RAB3IP: variants seen among roughly 807,000 people sequenced by gnomAD.
The protein encoded by RAB3IP is rab-3A-interacting protein.
In RAB3IP, 36 loss-of-function variants were observed where a neutral mutation model predicts 59.1. The observed-to-expected ratio is 0.61, with a 90% confidence interval of 0.47 to 0.80. The LOEUF is 0.80. Among genes scored for constraint, RAB3IP ranks in the 30% least tolerant of loss-of-function variants. The pLI is 0.00. For synonymous variants in RAB3IP, 207 were observed against 191.2 expected (o/e 1.08, Z -0.68); for missense variants, 511 against 536.0 (o/e 0.95, Z 0.46).
Position 69,815,729 on chromosome 12 carries a change from G to A in RAB3IP, c.*283G>A, listed in dbSNP as rs1881072023. 6.0e-5 allele frequency: 13 copies of A among 217,188 alleles called. No individual in the cohort carries two copies. The South Asian group carries it at 1.7e-3, about 28-fold the overall frequency. 13.5% of individuals were successfully genotyped at this position (217,188 alleles called of 1,614,324 possible). On this transcript the variant is annotated 3_prime_UTR_variant, in exon 11 of 11. Transcript: ENST00000247833. ...AATAAATAAATGTTAGATTGAATGT[G>A]TGTACATTTTCTCTTCTAGCTCTGA...
At chr12:69,808,034 A>G (rs1879760359) in intron 8 of RAB3IP, among the ~76,000 whole-genome samples, 2 of 152,228 alleles carry the variant, frequency 1.3e-5, no homozygotes, top group African/African-American at 2.4e-5. Flanking sequence ...ATTTAGTGCT[A>G]TAAATTTCCC....
At chr12:69,760,004 G>T (rs552886875) in intron 3 of RAB3IP, among the ~76,000 whole-genome samples, 2 of 152,276 alleles carry the variant, frequency 1.3e-5, no homozygotes, top group African/African-American at 4.8e-5. Flanking sequence ...CTGCAATCTC[G>T]TCACTTTGGG....
Position 69,815,691 on chromosome 12 carries a change from A to G in RAB3IP, c.*245A>G. The stretch of plus-strand genomic sequence containing the variant: ...AATGTAATTTATAGTTGCCAAAAAA[A>G]AAAAAAACCTGAAATAAATAAATGT... On this transcript the variant is annotated 3_prime_UTR_variant, in exon 11 of 11. Transcript: ENST00000247833. The G allele has an allele frequency of 3.5e-6, 1 of 286,050 alleles. No individual in the cohort carries two copies. The allele number at this position is 286,050 out of a possible 1,614,324, so 17.7% of individuals were successfully genotyped here. A position where few individuals can be genotyped will look rare whatever the true frequency, so the allele number is the denominator to read the frequency against.
chr12:69,766,601 A>G (rs1344318292), intron 3 of RAB3IP, among the ~76,000 whole-genome samples: 1 of 151,010 alleles, frequency 6.6e-6, no homozygotes, highest in Non-Finnish European at 1.5e-5. Context: ...GCTCACTGCA[A>G]CCTCCGCTTC....
chr12:69,752,004 CTT>C (rs769835694), intron 1 of RAB3IP, among the ~76,000 whole-genome samples: 12 of 129,434 alleles, frequency 9.3e-5, no homozygotes, highest in Non-Finnish European at 1.2e-4. Context: ...TTCTTTTGTT[CTT>C]TTTTTTTTTT....
chr12:69,794,691 C>A (rs962616911), intron 5 of RAB3IP, among the ~76,000 whole-genome samples, 177 bp downstream of exon 5: 1 of 152,110 alleles, frequency 6.6e-6, no homozygotes, highest in East Asian at 1.9e-4. Context: ...GTAAACATTT[C>A]GTGTCCATTT....
chr12:69,799,754 G>C (rs1878082015), intron 6 of RAB3IP, among the ~76,000 whole-genome samples: 1 of 152,024 alleles, frequency 6.6e-6, no homozygotes, highest in Middle Eastern at 3.2e-3. Context: ...AGTTTATTCA[G>C]ACACTATAAT....
intron 3 of RAB3IP, among the ~76,000 whole-genome samples, chr12:69,763,579 T>A (rs1248181645): frequency 1.3e-5 from 2 of 152,224 alleles, no homozygotes; most frequent in Non-Finnish European, 2.9e-5. Flanking sequence ...TGAAAATGCT[T>A]CAGGATCTTG....
chr12:69,760,115 C>T (rs937663111), intron 3 of RAB3IP, among the ~76,000 whole-genome samples: 11 of 152,234 alleles, frequency 7.2e-5, no homozygotes, highest in South Asian at 2.1e-4. Context: ...AATGAGACTC[C>T]GTCTGCAATC....
chr12:69,767,226 T>G (rs989379737), intron 3 of RAB3IP, among the ~76,000 whole-genome samples: 14 of 152,158 alleles, frequency 9.2e-5, no homozygotes, highest in African/African-American at 3.1e-4. Context: ...CTGGGTAGGA[T>G]CTTTTGGTTT....
At chr12:69,794,958 A>G (rs886928016) in intron 5 of RAB3IP, among the ~76,000 whole-genome samples, 183 bp from the exon 6 acceptor site, 4 of 152,226 alleles carry the variant, frequency 2.6e-5, no homozygotes, top group Non-Finnish European at 5.9e-5. Context: ...TTAATAATAG[A>G]TGAATCCAAA....
intron 3 of RAB3IP, among the ~76,000 whole-genome samples, chr12:69,763,470 A>G (rs139782368): frequency 0.016 from 2,390 of 152,252 alleles, 22 homozygotes; most frequent in South Asian, 0.034. Flanking sequence ...TTTTGCTTTG[A>G]CTGGACCACT....
chr12:69,805,761 G>T (rs1351333449), intron 8 of RAB3IP, among the ~76,000 whole-genome samples: 22 of 152,058 alleles, frequency 1.4e-4, no homozygotes, highest in Admixed American at 1.4e-3. Context: ...TAATCATGTG[G>T]TTTTTGTCTT....
intron 1 of RAB3IP, among the ~76,000 whole-genome samples, chr12:69,750,031 A>G (rs890658411): frequency 3.9e-5 from 6 of 152,226 alleles, no homozygotes; most frequent in Admixed American, 2.6e-4. Context: ...TTTCACTAGA[A>G]CAGTGGAACA....
chr12:69,756,617 A>G lies in RAB3IP; in HGVS notation c.464A>G (p.Glu155Gly), dbSNP rs1338012210. ...AGCCCATCTGTTTTGGAAGTTAGAG[A>G]AAAGGGCTATGAACGATTAAAAGAA... ...LRSPSVLEVREKGYERLKEEL... is the reference protein window; with the variant it reads ...LRSPSVLEVRGKGYERLKEEL... The change falls in exon 3 of 11, where the codon GAA becomes GGA. Residue 155 changes from glutamate to glycine, a missense_variant. Transcript: ENST00000247833. 1.2e-6 allele frequency: 2 copies of G among 1,614,040 alleles called. No homozygotes were observed. The highest frequency in any genetic ancestry group is 1.7e-5 in the Admixed American group (1 of 60,026).
intron 1 of RAB3IP, among the ~76,000 whole-genome samples, chr12:69,750,933 A>G (rs1232670617): frequency 1.3e-5 from 2 of 152,138 alleles, no homozygotes; most frequent in African/African-American, 4.8e-5. Flanking sequence ...TATTTAAATA[A>G]TTATTGCCCT....
chr12:69,752,349 TCTC>T (rs200913086), intron 1 of RAB3IP, among the ~76,000 whole-genome samples: 3,191 of 151,764 alleles, frequency 0.021, 113 homozygotes, highest in African/African-American at 0.073. Flanking sequence ...TTATTTTTAT[TCTC>T]CTTTTTTAGA....
chr12:69,782,137 G>A (rs1874830826), intron 3 of RAB3IP, among the ~76,000 whole-genome samples: 1 of 152,048 alleles, frequency 6.6e-6, no homozygotes, highest in Admixed American at 6.5e-5. Context: ...CATTCTAGTA[G>A]GTATGCAGGG....
upstream of RAB3IP, chr12:69,738,732 G>C (rs1284570087): frequency 6.6e-6 from 1 of 151,926 alleles, no homozygotes; most frequent in Non-Finnish European, 1.5e-5. Flanking sequence ...CAGGGGGCGC[G>C]GAAGCGCGTC....
Sources: gnomAD v4.1 joint callset for allele counts (sites outside exome capture counted in the v4.1 genomes callset) on GRCh38, gnomAD v4.1.1 for gene constraint, MANE v1.5 for transcripts, NCBI Gene and HGNC (gene_info 2026-07-23, HGNC 2026-07-21) for gene names.